The following KIF26B variants were observed in gnomAD, a reference collection of about 807,000 sequenced individuals.
The protein encoded by KIF26B is kinesin-like protein KIF26B.
A neutral mutation model predicts 151.2 loss-of-function variants in KIF26B; 63 were observed. That is an observed-to-expected ratio of 0.42 (90% CI 0.34 to 0.51). KIF26B has a LOEUF of 0.51. KIF26B is among the 20% of genes least tolerant of loss of function. KIF26B has a pLI of 0.07. For missense variants in KIF26B, 2,813 were observed against 2,913.6 expected (o/e 0.97, Z 0.79); for synonymous variants, 1,357 against 1,262.1 (o/e 1.08, Z -1.59).
intron 3 of KIF26B, among the ~76,000 whole-genome samples, chr1:245,385,129 A>C (rs1673512137): frequency 6.6e-6 from 1 of 152,236 alleles, no homozygotes; most frequent in Non-Finnish European, 1.5e-5. Context: ...ATTCAGTGAA[A>C]ATAAGTTCAT....
intron 5 of KIF26B, among the ~76,000 whole-genome samples, chr1:245,594,317 C>T (rs2043319360): frequency 6.6e-6 from 1 of 152,150 alleles, no homozygotes. Context: ...ACATTTAAGT[C>T]TTTAATCCAA....
At chr1:245,382,038 A>T (rs1308217431) in intron 3 of KIF26B, among the ~76,000 whole-genome samples, 6 of 152,184 alleles carry the variant, frequency 3.9e-5, no homozygotes, top group Non-Finnish European at 8.8e-5. Flanking sequence ...ACATGGGTAT[A>T]CACATGTTTC....
rs1334228345 is a variant in KIF26B, at chr1:245,318,272, ATTGC to A, written c.466-48558_466-48555del. ...CAATCAGTCAACGTCAACTCTTGTCATTGCTTGGGGGGTAAAGGCAATACAAGGA... is the reference window on the plus strand; with the variant it reads ...CAATCAGTCAACGTCAACTCTTGTCATTGGGGGGTAAAGGCAATACAAGGA... On this transcript the variant is annotated intron_variant, in intron 2 of 14. Transcript: ENST00000407071. The surrounding 1 kb of genome is among the most constrained non-coding windows in gnomAD (Gnocchi z 4.0). 6.6e-6 allele frequency among the ~76,000 whole-genome samples: 1 copy of A among 152,172 alleles called. No homozygotes were observed. Among genetic ancestry groups the A allele is most frequent in the Non-Finnish European group, 1.5e-5 (1 of 68,036 alleles).
intron 4 of KIF26B, among the ~76,000 whole-genome samples, chr1:245,510,843 G>A (rs1029576055): frequency 2.6e-5 from 4 of 152,218 alleles, no homozygotes; most frequent in African/African-American, 9.6e-5. Context: ...GCTGCACTGG[G>A]AAGGTGGCTG....
chr1:245,481,077 C>T (rs1234476180), intron 4 of KIF26B, among the ~76,000 whole-genome samples: 2 of 151,810 alleles, frequency 1.3e-5, no homozygotes, highest in African/African-American at 2.4e-5. Flanking sequence ...GCTGGCCGTG[C>T]GTTGTGCGTG....
chr1:245,303,851 A>G (rs1023443083), intron 2 of KIF26B, among the ~76,000 whole-genome samples: 2 of 152,204 alleles, frequency 1.3e-5, no homozygotes, highest in Non-Finnish European at 2.9e-5. Context: ...TTGTGCCACA[A>G]AGTGACATCG....
Position 245,611,782 on chromosome 1 carries a change from C to G in KIF26B, c.1915-11C>G, listed in dbSNP as rs765279829. 1 of 1,612,452 alleles carries G rather than the reference C, an allele frequency of 6.2e-7. No homozygotes were observed. Among genetic ancestry groups the G allele is most frequent in the South Asian group, 1.1e-5 (1 of 90,782 alleles). On this transcript the variant is annotated splice_polypyrimidine_tract_variant and intron_variant, in intron 8 of 14. Coordinates refer to ENST00000407071, the MANE Select transcript of KIF26B (RefSeq NM_018012.4). ...AGCCTGCAGCCTCATCTCTTGGCTT[C>G]TGTCTTCCAGCTGCAGAACCAGAGC...
intron 10 of KIF26B, among the ~76,000 whole-genome samples, chr1:245,648,491 C>T (rs752437600): frequency 2.3e-4 from 35 of 151,912 alleles, no homozygotes; most frequent in Admixed American, 5.3e-4. Context: ...AAAAATTAAC[C>T]GGGCATGGTG....
At chr1:245,690,284 C>T (rs2147960819) in intron 12 of KIF26B, among the ~76,000 whole-genome samples, 1 of 152,354 alleles carries the variant, frequency 6.6e-6, no homozygotes, top group South Asian at 2.1e-4. Flanking sequence ...TGTCTCTCCC[C>T]TCCCGCTGCC....
chr1:245,215,699 G>C (rs1240236806), intron 2 of KIF26B, among the ~76,000 whole-genome samples: 1 of 152,212 alleles, frequency 6.6e-6, no homozygotes, highest in Non-Finnish European at 1.5e-5. Context: ...TTTAGGGTAT[G>C]TGCTGGATCT....
chr1:245,176,171 G>A (rs1226472424), intron 2 of KIF26B, among the ~76,000 whole-genome samples: 1 of 151,968 alleles, frequency 6.6e-6, no homozygotes, highest in Non-Finnish European at 1.5e-5. Flanking sequence ...AGCTAATTTT[G>A]TATTTTTAGT....
chr1:245,653,124 A>G (rs1231302387), intron 10 of KIF26B, among the ~76,000 whole-genome samples: 1 of 152,184 alleles, frequency 6.6e-6, no homozygotes, highest in African/African-American at 2.4e-5. Flanking sequence ...GCCTCAGTGG[A>G]GGAGAGAATG....
At chr1:245,494,480 A>G (rs904436406) in intron 4 of KIF26B, among the ~76,000 whole-genome samples, 1 of 152,192 alleles carries the variant, frequency 6.6e-6, no homozygotes, top group Non-Finnish European at 1.5e-5. Flanking sequence ...GTTTAGCTTG[A>G]TCACTCCCAT....
At chr1:245,526,327 G>A (rs1661234886) in intron 4 of KIF26B, among the ~76,000 whole-genome samples, 1 of 152,184 alleles carries the variant, frequency 6.6e-6, no homozygotes, top group South Asian at 2.1e-4. Context: ...TCTGCCTCTA[G>A]TGGGGCTGCT....
chr1:245,692,113 G>A (rs912530061), intron 12 of KIF26B, among the ~76,000 whole-genome samples: 7 of 152,212 alleles, frequency 4.6e-5, no homozygotes, highest in Non-Finnish European at 8.8e-5. Flanking sequence ...GTCATGTGAT[G>A]TCTTTTCCTT....
intron 2 of KIF26B, among the ~76,000 whole-genome samples, chr1:245,238,337 A>T (rs564812992): frequency 6.6e-6 from 1 of 151,904 alleles, no homozygotes; most frequent in East Asian, 2.0e-4. Flanking sequence ...ATCTCATCTA[A>T]AAAAAAGAAT....
At chr1:245,339,244 C>G (rs1157035767) in intron 2 of KIF26B, among the ~76,000 whole-genome samples, 1 of 152,202 alleles carries the variant, frequency 6.6e-6, no homozygotes, top group Non-Finnish European at 1.5e-5. Context: ...TCCCAAAGTG[C>G]TGGAATTACA....
At position 245,572,978 on chromosome 1, in the gene KIF26B, T is replaced by C. The variant is rs533706371; in HGVS notation, c.1351-29599T>C. On this transcript the variant is annotated intron_variant, in intron 5 of 14. Coordinates refer to ENST00000407071, the MANE Select transcript of KIF26B (RefSeq NM_018012.4). The surrounding 1 kb of genome is among the most constrained non-coding windows in gnomAD (Gnocchi z 4.2). The stretch of plus-strand genomic sequence containing the variant: ...GTAAAATTCTTTATAAATACACATA[T>C]CAATGGAGTTCTTGACATTTTGCCC... Among the ~76,000 whole-genome samples, 1 of 152,276 alleles carries C rather than the reference T, an allele frequency of 6.6e-6. No individual in the cohort carries two copies. The highest frequency in any genetic ancestry group is 2.4e-5 in the African/African-American group (1 of 41,564).
intron 4 of KIF26B, among the ~76,000 whole-genome samples, chr1:245,437,281 C>T (rs987162444): frequency 2.6e-5 from 4 of 152,196 alleles, no homozygotes; most frequent in African/African-American, 4.8e-5. Context: ...GCCGAGCTCC[C>T]GTGTTCCATC....
Sources: gnomAD v4.1 joint callset for allele counts (sites outside exome capture counted in the v4.1 genomes callset) on GRCh38, gnomAD v4.1.1 for gene constraint, Gnocchi (gnomAD v3.1) non-coding constraint, MANE v1.5 for transcripts, NCBI Gene and HGNC (gene_info 2026-07-23, HGNC 2026-07-21) for gene names.